MXRA5: variants seen among roughly 807,000 people sequenced by gnomAD.
MXRA5 encodes matrix-remodeling-associated protein 5.
Under a neutral mutation model 112.5 loss-of-function variants are expected in MXRA5, and 41 were observed. The observed-to-expected ratio is 0.36, with a 90% CI of 0.28 to 0.47. The LOEUF is 0.47. MXRA5 is among the 20% of genes least tolerant of loss of function. The pLI, the probability that MXRA5 is intolerant of heterozygous loss-of-function variation, is 0.99. For missense variants in MXRA5, 2,150 were observed against 2,251.0 expected, an observed-to-expected ratio of 0.96 and a Z score of 0.91; for synonymous variants, 862 against 900.8, an observed-to-expected ratio of 0.96 and a Z score of 0.77.
rs1920976953 is a variant in MXRA5, at chrX:3,310,557, C to G, written c.7646G>C (p.Ser2549Thr). The change falls in exon 7 of 7, where the codon AGC (serine) becomes ACC (threonine). Residue 2549 changes from serine to threonine, a missense_variant. This residue lies in a region of MXRA5 where 93 missense variants were observed against 135.5 expected (regional missense o/e 0.69). Coordinates refer to ENST00000217939, the MANE Select transcript of MXRA5 (RefSeq NM_015419.4). ...GCCCGCCATGGCCGTGATCTTCTCG[C>G]TGATCGGGTCGTGGAAGATGGGTTT... Reference protein sequence around the residue: ...MEKPIFHDPISEKITAMAGHT... With the variant: ...MEKPIFHDPITEKITAMAGHT... The G allele has an allele frequency of 2.6e-6, 3 of 1,165,739 alleles. No homozygotes were observed. The highest frequency in any genetic ancestry group is 3.5e-6 in the Non-Finnish European group (3 of 867,988).
At chrX:3,330,897 C>T in intron 2 of MXRA5, 124 bp from the exon 3 acceptor site, 1 of 428,832 alleles carries the variant, frequency 2.3e-6, no homozygotes. Flanking sequence ...AATGGTGAGT[C>T]TTTTTGTCTA....
rs1921642133 is a variant in MXRA5 at position 3,330,651 on chromosome X, G to A, written c.311C>T (p.Ser104Phe). ...TAAATGCCGTGGGTTTACCTGAAGA[G>A]AGCTGAGGTCTCTTAAAGCTCCATC... is the stretch of plus-strand genomic sequence containing the variant. Reference protein sequence around the residue: ...IPDGALRDLSSLQVFKFSYNK... With the variant: ...IPDGALRDLSFLQVFKFSYNK... Residue 104 changes from serine (S) to phenylalanine (F), a missense_variant, in exon 3 of 7, where the codon TCT (serine) becomes TTT (phenylalanine). Ser to Phe is a radical substitution (Grantham distance 155). Coordinates refer to ENST00000217939, the MANE Select transcript of MXRA5 (RefSeq NM_015419.4). 2 of 1,206,754 alleles carry A rather than the reference G, an allele frequency of 1.7e-6. No homozygotes were observed. The highest frequency in any genetic ancestry group is 2.2e-6 in the Non-Finnish European group (2 of 894,273).
intron 5 of MXRA5, among the ~76,000 whole-genome samples, chrX:3,319,529 G>A (rs1921239082): frequency 8.9e-6 from 1 of 112,908 alleles, no homozygotes; most frequent in Non-Finnish European, 1.9e-5. Context: ...CCTGCCCAGA[G>A]AGGCCCTTGA....
In MXRA5 at chrX:3,310,210, C is replaced by T; in HGVS notation, c.7993G>A (p.Gly2665Arg). 8.3e-7 allele frequency: 1 copy of T among 1,211,930 alleles called. No individual in the cohort carries two copies. Among genetic ancestry groups the T allele is most frequent in the East Asian group, 3.0e-5 (1 of 33,830 alleles). Residue 2665 changes from glycine (G) to arginine (R), a missense_variant, in exon 7 of 7, where the codon GGG becomes AGG. Transcript: ENST00000217939. ...AGCGTCCAGGAGAAACGTCCCTGCC[C>T]AGCCCCGGGAGGGGTGCAGGGGAGC... Reference protein sequence around the residue: ...LKLPCTPPGAGQGRFSWTLPN... With the variant: ...LKLPCTPPGARQGRFSWTLPN...
intron 1 of MXRA5, among the ~76,000 whole-genome samples, chrX:3,345,933 T>G (rs1175329212): frequency 2.7e-5 from 3 of 112,533 alleles, no homozygotes; most frequent in Non-Finnish European, 5.6e-5. Context: ...ACTGTCCCGG[T>G]TTTTTTGCAT....
chrX:3,340,649 T>C (rs1405115810), intron 2 of MXRA5, among the ~76,000 whole-genome samples: 4 of 111,009 alleles, frequency 3.6e-5, no homozygotes, highest in African/African-American at 1.3e-4. Flanking sequence ...ATCTTTATCG[T>C]GAGTTGTTTA....
chrX:3,326,050 T>C (rs1159053793), intron 4 of MXRA5, among the ~76,000 whole-genome samples: 1 of 69,370 alleles, frequency 1.4e-5, no homozygotes, highest in Non-Finnish European at 2.5e-5. Flanking sequence ...TATATAAATA[T>C]ATTTATATAT....
intron 2 of MXRA5, among the ~76,000 whole-genome samples, 165 bp from the exon 3 acceptor site, chrX:3,330,938 C>T (rs1473975974): frequency 9.0e-6 from 1 of 111,302 alleles, no homozygotes; most frequent in Non-Finnish European, 1.9e-5. Flanking sequence ...AATCTTACTC[C>T]GTCACCCAGG....
Position 3,321,471 on chromosome X carries a change from G to C in MXRA5, c.4214C>G (p.Thr1405Arg). ...IPVTTSGENL[T>R]DPPLLKELED... ...AAGCTCTTTAAGAAGGGGAGGGTCT[G>C]TAAGATTTTCCCCAGAAGTGGTAAC... The change falls in exon 5 of 7, where the codon ACA (threonine) becomes AGA (arginine). Residue 1405 changes from threonine to arginine, a missense_variant. Coordinates refer to ENST00000217939, the MANE Select transcript of MXRA5 (RefSeq NM_015419.4). 1.7e-6 allele frequency: 2 copies of C among 1,211,344 alleles called. No individual in the cohort carries two copies. The highest frequency in any genetic ancestry group is 2.2e-6 in the Non-Finnish European group (2 of 895,168).
intron 2 of MXRA5, 122 bp downstream of exon 2, chrX:3,343,524 C>T (rs371445458): frequency 8.6e-6 from 6 of 694,385 alleles, no homozygotes; most frequent in African/African-American, 4.4e-5. Flanking sequence ...CCATAATTCT[C>T]GACAGAGCTA....
At position 3,346,621 on chromosome X, in the gene MXRA5, G is replaced by A; in HGVS notation, c.-135C>T. ...GTTTGCCGGGGCCATGCCCTTCCCG[G>A]GGCCGGGGGTGAGGCAGCTCGGCTT... On this transcript the variant is annotated 5_prime_UTR_variant, in exon 1 of 7. Transcript: ENST00000217939. 1.4e-6 allele frequency: 1 copy of A among 718,649 alleles called. No homozygotes were observed. The highest frequency in any genetic ancestry group is 1.6e-6 in the Non-Finnish European group (1 of 606,336). The allele number at this position is 718,649 out of a possible 1,213,427, so 59.2% of individuals were successfully genotyped here.
At chrX:3,314,880 G>GTAGA (rs1569181122) in intron 6 of MXRA5, among the ~76,000 whole-genome samples, 29 of 92,254 alleles carry the variant, frequency 3.1e-4, no homozygotes, top group South Asian at 1.6e-3. Flanking sequence ...AGGTAGGTAG[G>GTAGA]CAGATAGATA....
chrX:3,332,250 C>CT (rs749412827), intron 2 of MXRA5, among the ~76,000 whole-genome samples: 275 of 105,476 alleles, frequency 2.6e-3, no homozygotes, highest in African/African-American at 6.8e-3. Context: ...CATTCTTCTT[C>CT]TTTTTTTTTT....
Position 3,317,463 on chromosome X carries a change from G to A in MXRA5, c.6218C>T (p.Ala2073Val). Reference sequence around the variant, plus strand: ...CCAGCGCACGCTGGGCAGGGGCGCAGCCTTGGCAGTGCAGTGAATGTGAAT... The same window carrying A: ...CCAGCGCACGCTGGGCAGGGGCGCAACCTTGGCAGTGCAGTGAATGTGAAT... ...LSIHIHCTAK[A>V]APLPSVRWVL... Residue 2073 changes from alanine (A) to valine (V), a missense_variant, in exon 6 of 7, where the codon GCT becomes GTT. This residue lies in a region of MXRA5 where 1,485 missense variants were observed against 1,471.6 expected (regional missense o/e 1.01). Coordinates refer to ENST00000217939, the MANE Select transcript of MXRA5 (RefSeq NM_015419.4). The A allele has an allele frequency of 8.4e-7, 1 of 1,195,439 alleles. No individual in the cohort carries two copies. Among genetic ancestry groups the A allele is most frequent in the Non-Finnish European group, 1.1e-6 (1 of 887,565 alleles).
intron 2 of MXRA5, among the ~76,000 whole-genome samples, chrX:3,339,258 T>C (rs1235909235): frequency 9.1e-6 from 1 of 109,443 alleles, no homozygotes; most frequent in Non-Finnish European, 1.9e-5. Flanking sequence ...GTTGTTGTTG[T>C]TGTTGTTTTA....
At chrX:3,314,913 T>TAGAC (rs1398187964) in intron 6 of MXRA5, among the ~76,000 whole-genome samples, 2 of 110,513 alleles carry the variant, frequency 1.8e-5, no homozygotes, top group African/African-American at 6.6e-5. Flanking sequence ...GATAGATAGA[T>TAGAC]AGATAGATAG....
chrX:3,342,477 C>T (rs1161670546), intron 2 of MXRA5, among the ~76,000 whole-genome samples: 1 of 112,298 alleles, frequency 8.9e-6, no homozygotes, highest in Non-Finnish European at 1.9e-5. Context: ...AAAAGGGAAG[C>T]TGGCTTATGT....
At position 3,311,304 on chromosome X, in the gene MXRA5, C is replaced by T. The variant is rs776590689; in HGVS notation, c.6899G>A (p.Arg2300His). The change falls in exon 7 of 7, where the codon CGC becomes CAC. Residue 2300 changes from arginine to histidine, a missense_variant. By Grantham distance (29) the Arg-to-His change is conservative. Around this residue, in one of 6 missense-constraint regions of MXRA5, gnomAD observed 1,485 missense variants for 1,471.6 expected, o/e 1.01. Transcript: ENST00000217939. ...QSDDSGGRTK[R>H]YVVFNNGTLY... Reference sequence around the variant, plus strand: ...TGTCCCATTGTTGAAGACGACATAGCGCTTGGTGCGTCCACCGCTGTCATC... The same window carrying T: ...TGTCCCATTGTTGAAGACGACATAGTGCTTGGTGCGTCCACCGCTGTCATC... The T allele has an allele frequency of 6.6e-6, 8 of 1,210,093 alleles. No individual in the cohort carries two copies. Among genetic ancestry groups the T allele is most frequent in the Admixed American group, 2.2e-5 (1 of 45,846 alleles).
At position 3,317,322 on chromosome X, in the gene MXRA5, T is replaced by A. The variant is rs376703007; in HGVS notation, c.6359A>T (p.Tyr2120Phe). Residue 2120 changes from tyrosine (Y) to phenylalanine (F), a missense_variant, in exon 6 of 7, where the codon TAT becomes TTT. Tyr to Phe is a conservative substitution (Grantham distance 22). This residue lies in a region of MXRA5 where 1,485 missense variants were observed against 1,471.6 expected (regional missense o/e 1.01). Transcript: ENST00000217939. ...TACCAGGTTGGCGGCCACGCACTCATAGCGCCCGCTGTCCTTGGGCGCGAG... is the reference window on the plus strand; with the variant it reads ...TACCAGGTTGGCGGCCACGCACTCAAAGCGCCCGCTGTCCTTGGGCGCGAG... ...RNLAPKDSGR[Y>F]ECVAANLVGS... The A allele has an allele frequency of 1.9e-5, 23 of 1,206,402 alleles. No homozygotes were observed. Among genetic ancestry groups the A allele is most frequent in the Non-Finnish European group, 2.5e-5 (22 of 893,040 alleles).
Sources: gnomAD v4.1 joint callset for allele counts (sites outside exome capture counted in the v4.1 genomes callset) on GRCh38, gnomAD v4.1.1 for gene constraint, gnomAD v4.1.1 regional missense constraint, MANE v1.5 for transcripts, NCBI Gene and HGNC (gene_info 2026-07-23, HGNC 2026-07-21) for gene names.